Variants in TUBGCP4 observed in about 807,000 individuals in gnomAD.
TUBGCP4 encodes tubulin gamma complex component 4, also known as gamma-tubulin complex component 4.
In TUBGCP4, 54 loss-of-function variants were observed where a neutral mutation model predicts 91.6. The ratio of observed to expected loss-of-function variants is 0.59; its 90% CI spans 0.47 to 0.74. TUBGCP4 has a LOEUF of 0.74. Among genes scored for constraint, TUBGCP4 ranks in the 30% least tolerant of loss-of-function variants. TUBGCP4 has a pLI of 0.00. For synonymous variants in TUBGCP4, 297 were observed against 302.8 expected (o/e 0.98, Z 0.20); for missense variants, 593 against 800.9 (o/e 0.74, Z 3.13).
At chr15:43,404,614 A>C (rs2044795791) in intron 17 of TUBGCP4, 62 bp downstream of exon 17, 14 of 1,572,858 alleles carry the variant, frequency 8.9e-6, no homozygotes, top group Middle Eastern at 1.7e-4. Flanking sequence ...TGAGTTGTAG[A>C]ATTCTAGAAC....
In TUBGCP4 at chr15:43,409,573, C is replaced by T. The variant is rs2045041950; in HGVS notation, c.*4359C>T. 2.5e-6 allele frequency: 2 copies of T among 796,890 alleles called. No individual in the cohort carries two copies. The highest frequency in any genetic ancestry group is 1.9e-6 in the Non-Finnish European group (1 of 515,536). 49.4% of individuals were successfully genotyped at this position (796,890 alleles called of 1,614,324 possible). On this transcript the variant is annotated 3_prime_UTR_variant, in exon 18 of 18. Transcript: ENST00000564079. Reference sequence around the variant, plus strand: ...TTTATCCAGGTTCCCCAACCCCTCCCAGGCCTCTTCTCAACACAGCAAGTT... The same window carrying T: ...TTTATCCAGGTTCCCCAACCCCTCCTAGGCCTCTTCTCAACACAGCAAGTT...
intron 9 of TUBGCP4, among the ~76,000 whole-genome samples, chr15:43,387,934 C>T (rs1416829029): frequency 3.9e-5 from 6 of 152,108 alleles, no homozygotes; most frequent in Admixed American, 3.3e-4. Context: ...CTACAAACTC[C>T]GCCTCCCGGG....
At chr15:43,375,563 GA>G (rs1268926778) in intron 1 of TUBGCP4, among the ~76,000 whole-genome samples, 1 of 152,088 alleles carries the variant, frequency 6.6e-6, no homozygotes. Context: ...TGTAAATATG[GA>G]CACTAAATAT....
intron 9 of TUBGCP4, chr15:43,391,829 T>A (rs1175059320): frequency 2.0e-5 from 3 of 152,180 alleles, no homozygotes; most frequent in Non-Finnish European, 4.4e-5. Context: ...GGCAGGCAGA[T>A]CACTTGATGT....
chr15:43,405,167 A>G (rs1397464660), intron 17 of TUBGCP4, 35 bp from the exon 18 acceptor site: 2 of 1,613,760 alleles, frequency 1.2e-6, no homozygotes, highest in Non-Finnish European at 1.7e-6. Context: ...TTGGGAAAGC[A>G]TGACACTTAA....
Position 43,376,571 on chromosome 15 carries a change from G to A in TUBGCP4, c.276G>A (p.Gly92=). ...TCTACCTGCGGGCCTTCTGCACAGG[G>A]CTGGATTCTGTTTTGCAGCCTTATC... ...HGIYLRAFCT[G]LDSVLQPYRQ... The change falls in exon 3 of 18, where the codon GGG becomes GGA. Residue 92 remains glycine (G), a synonymous_variant. Coordinates refer to ENST00000564079, the MANE Select transcript of TUBGCP4 (RefSeq NM_014444.5). 1 of 1,614,230 alleles carries A rather than the reference G, an allele frequency of 6.2e-7. No individual in the cohort carries two copies. The highest frequency in any genetic ancestry group is 8.5e-7 in the Non-Finnish European group (1 of 1,180,042).
rs550364789 is a variant in TUBGCP4 at position 43,406,589 on chromosome 15, G to A, written c.*1375G>A. On this transcript the variant is annotated 3_prime_UTR_variant, in exon 18 of 18. Coordinates refer to ENST00000564079, the MANE Select transcript of TUBGCP4 (RefSeq NM_014444.5). ...ACAAAGCCTGAAATATTTACTCTTT[G>A]ACCCTTTACAGAAAAAAACCTTGTT... is the stretch of plus-strand genomic sequence containing the variant. 2 of 455,828 alleles carry A rather than the reference G, an allele frequency of 4.4e-6. No individual in the cohort carries two copies. Among genetic ancestry groups the A allele is most frequent in the South Asian group, 3.1e-5 (2 of 64,560 alleles). 28.2% of individuals were successfully genotyped at this position (455,828 alleles called of 1,614,324 possible).
At position 43,400,238 on chromosome 15, in the gene TUBGCP4, G is replaced by A. The variant is rs778016427; in HGVS notation, c.1596+17G>A. ...TATCTCCAGGTCTGTGCTAAGAGAT[G>A]AGTAGAAGGAAGGGGTACGGAAAAA... On this transcript the variant is annotated intron_variant, in intron 14 of 17. Coordinates refer to ENST00000564079, the MANE Select transcript of TUBGCP4 (RefSeq NM_014444.5). 1.2e-6 allele frequency: 2 copies of A among 1,607,932 alleles called. No individual in the cohort carries two copies. The highest frequency in any genetic ancestry group is 1.7e-5 in the Admixed American group (1 of 59,948).
At chr15:43,371,496 G>T in intron 1 of TUBGCP4, 64 bp downstream of exon 1, 1 of 1,534,584 alleles carries the variant, frequency 6.5e-7, no homozygotes, top group Non-Finnish European at 9.0e-7. Flanking sequence ...GCCAGCGCCT[G>T]GGGGAGTAGG....
At chr15:43,391,695 G>A (rs147011508) in intron 9 of TUBGCP4, 1 of 152,284 alleles carries the variant, frequency 6.6e-6, no homozygotes, top group Non-Finnish European at 1.5e-5. Context: ...AAGTAACTGG[G>A]CCTGTAGGCA....
chr15:43,406,295 G>C lies in TUBGCP4; in HGVS notation c.*1081G>C, dbSNP rs577542187. 3.6e-4 allele frequency: 82 copies of C among 225,640 alleles called. No individual in the cohort carries two copies. Among genetic ancestry groups the C allele is most frequent in the African/African-American group, 1.8e-3 (80 of 43,450 alleles). The allele number at this position is 225,640 out of a possible 1,614,324, so 14.0% of individuals were successfully genotyped here. On this transcript the variant is annotated 3_prime_UTR_variant, in exon 18 of 18. Coordinates refer to ENST00000564079, the MANE Select transcript of TUBGCP4 (RefSeq NM_014444.5). Reference sequence around the variant, plus strand: ...AACTGAAAAAGAATGCAGTGTTCTGGCATCAGGTTATAGTCACTGCATCTG... The same window carrying C: ...AACTGAAAAAGAATGCAGTGTTCTGCCATCAGGTTATAGTCACTGCATCTG...
intron 5 of TUBGCP4, among the ~76,000 whole-genome samples, chr15:43,379,640 CAAA>C (rs1166566829): frequency 3.2e-5 from 2 of 62,336 alleles, no homozygotes; most frequent in Admixed American, 1.8e-4. Context: ...GACTCCGTCT[CAAA>C]AAAAAAAAAA....
rs1000147731 is a variant in TUBGCP4 at position 43,404,608 on chromosome 15, T to C, written c.1988+56T>C. ...CTTTTTAAGGTGGCTTTTTAATGAGTTGTAGAATTCTAGAACTGGAAGAAG... is the reference window on the plus strand; with the variant it reads ...CTTTTTAAGGTGGCTTTTTAATGAGCTGTAGAATTCTAGAACTGGAAGAAG... On this transcript the variant is annotated intron_variant, in intron 17 of 17. Transcript: ENST00000564079. 1.5e-5 allele frequency: 23 copies of C among 1,584,248 alleles called. No homozygotes were observed. In the African/African-American group the frequency reaches 2.6e-4, roughly 18 times the overall value.
At chr15:43,373,239 T>G (rs1174146452) in intron 1 of TUBGCP4, among the ~76,000 whole-genome samples, 1 of 152,244 alleles carries the variant, frequency 6.6e-6, no homozygotes, top group Admixed American at 6.5e-5. Context: ...TGACCATTAT[T>G]CTAATGCAGG....
Position 43,377,492 on chromosome 15 carries a change from G to A in TUBGCP4, c.385-355G>A, listed in dbSNP as rs115622715. 808 of 301,464 alleles carry A rather than the reference G, an allele frequency of 2.7e-3. 8 individuals are homozygous for A. The highest frequency in any genetic ancestry group is 0.017 in the African/African-American group (749 of 44,756). The allele number at this position is 301,464 out of a possible 1,614,324, so 18.7% of individuals were successfully genotyped here. ...ACAAAAATTAGTCGGTTGTGGTGGC[G>A]TGCACCTGTAGTCCCAGCTACTTGG... On this transcript the variant is annotated intron_variant, in intron 4 of 17. Coordinates refer to ENST00000564079, the MANE Select transcript of TUBGCP4 (RefSeq NM_014444.5).
At chr15:43,385,250 G>A in intron 7 of TUBGCP4, 1 of 407,092 alleles carries the variant, frequency 2.5e-6, no homozygotes. Flanking sequence ...CCCTTGGGTG[G>A]CTTCAGGAGG....
chr15:43,399,055 T>G, intron 13 of TUBGCP4: 1 of 971,366 alleles, frequency 1.0e-6, no homozygotes, highest in Non-Finnish European at 1.4e-6. Context: ...TATGTTTGGG[T>G]TTGTTCAAAT....
chr15:43,406,500 T>TTGTC lies in TUBGCP4; in HGVS notation c.*1288_*1291dup. ...ACAGCCATGCCCATTTGTTTACTCATTGTCTATGGTTGCTTTCATGCCCTC... is the reference window on the plus strand; with the variant it reads ...ACAGCCATGCCCATTTGTTTACTCATTGTCTGTCTATGGTTGCTTTCATGCCCTC... On this transcript the variant is annotated 3_prime_UTR_variant, in exon 18 of 18. Transcript: ENST00000564079. The TTGTC allele has an allele frequency of 4.6e-6, 2 of 431,880 alleles. No individual in the cohort carries two copies. Among genetic ancestry groups the TTGTC allele is most frequent in the South Asian group, 3.3e-5 (2 of 59,888 alleles). 26.8% of individuals were successfully genotyped at this position (431,880 alleles called of 1,614,324 possible).
intron 9 of TUBGCP4, among the ~76,000 whole-genome samples, chr15:43,393,819 G>A (rs1014159504): frequency 3.3e-5 from 5 of 152,198 alleles, no homozygotes; most frequent in Admixed American, 2.6e-4. Flanking sequence ...GTGTATATGT[G>A]CCACATTTAC....
Sources: gnomAD v4.1 joint callset for allele counts (sites outside exome capture counted in the v4.1 genomes callset) on GRCh38, gnomAD v4.1.1 for gene constraint, MANE v1.5 for transcripts, NCBI Gene and HGNC (gene_info 2026-07-23, HGNC 2026-07-21) for gene names.